The following SPOCK3 variants were observed in gnomAD, a reference collection of about 807,000 sequenced individuals.
The protein encoded by SPOCK3 is testican-3.
SPOCK3 carries 30 observed loss-of-function variants against 56.6 expected under a neutral mutation model. The observed-to-expected ratio is 0.53, with a 90% CI of 0.40 to 0.72. The LOEUF is 0.72. Among genes scored for constraint, SPOCK3 ranks in the 30% least tolerant of loss-of-function variants. SPOCK3 has a pLI of 0.00. For missense variants in SPOCK3, 527 were observed against 530.0 expected (o/e 0.99, Z 0.06); for synonymous variants, 196 against 183.3 (o/e 1.07, Z -0.56).
At chr4:166,837,300 A>G (rs1424067495) in intron 6 of SPOCK3, among the ~76,000 whole-genome samples, 1 of 152,182 alleles carries the variant, frequency 6.6e-6, no homozygotes. Flanking sequence ...GAATAATTTC[A>G]GAATAAGCCC....
At chr4:166,837,863 C>A (rs1039103850) in intron 6 of SPOCK3, among the ~76,000 whole-genome samples, 3 of 151,968 alleles carry the variant, frequency 2.0e-5, no homozygotes, top group African/African-American at 7.2e-5. Context: ...GCTGTGGTTG[C>A]TACAAATTTT....
intron 5 of SPOCK3, among the ~76,000 whole-genome samples, chr4:166,890,870 A>G (rs537130568): frequency 6.6e-6 from 1 of 152,062 alleles, no homozygotes; most frequent in South Asian, 2.1e-4. Flanking sequence ...GTCTCCCATT[A>G]TTATTGTGTG....
intron 3 of SPOCK3, among the ~76,000 whole-genome samples, chr4:167,048,741 C>T (rs1409227552): frequency 6.6e-6 from 1 of 152,112 alleles, no homozygotes; most frequent in Non-Finnish European, 1.5e-5. Context: ...AATCTCAATA[C>T]AACTGGGATT....
At chr4:166,922,604 C>T (rs1016943355) in intron 4 of SPOCK3, among the ~76,000 whole-genome samples, 4 of 152,092 alleles carry the variant, frequency 2.6e-5, no homozygotes, top group East Asian at 1.9e-4. Context: ...GACGTATCTG[C>T]GCCTAATACC....
intron 2 of SPOCK3, among the ~76,000 whole-genome samples, chr4:167,122,458 G>A (rs1014343738): frequency 6.6e-6 from 1 of 152,116 alleles, no homozygotes; most frequent in African/African-American, 2.4e-5. Flanking sequence ...ATTGCACTAT[G>A]CAATAAAAAT....
At chr4:167,070,066 T>C (rs182744316) in intron 2 of SPOCK3, among the ~76,000 whole-genome samples, 3 of 152,106 alleles carry the variant, frequency 2.0e-5, no homozygotes, top group Non-Finnish European at 4.4e-5. Flanking sequence ...CACTGTTGAA[T>C]TATTTTTTCC....
chr4:167,144,371 G>A (rs1039172485), intron 2 of SPOCK3, among the ~76,000 whole-genome samples: 5 of 151,420 alleles, frequency 3.3e-5, no homozygotes, highest in African/African-American at 7.3e-5. Flanking sequence ...GTAAAATTAT[G>A]CACTAATTTC....
intron 6 of SPOCK3, among the ~76,000 whole-genome samples, chr4:166,878,605 C>T (rs985233725): frequency 3.3e-5 from 5 of 151,900 alleles, no homozygotes; most frequent in African/African-American, 1.2e-4. Flanking sequence ...AATACAATGT[C>T]AATTCTTTAT....
chr4:167,111,757 T>A (rs1760916655), intron 2 of SPOCK3, among the ~76,000 whole-genome samples: 1 of 148,638 alleles, frequency 6.7e-6, no homozygotes, highest in Non-Finnish European at 1.5e-5. Context: ...AGCTTAAAAG[T>A]AGCACTTTTT....
chr4:166,794,961 G>T (rs1047909491), intron 6 of SPOCK3, among the ~76,000 whole-genome samples: 2 of 151,986 alleles, frequency 1.3e-5, no homozygotes, highest in East Asian at 1.9e-4. Context: ...AAAATGTATC[G>T]TGCAGGTATA....
In SPOCK3 at chr4:166,987,041, A is replaced by C. The variant is rs992252752; in HGVS notation, c.350+13308T>G. Reference sequence around the variant, plus strand: ...CAGTGATCCTTTGGAAAGGAAACTCATTTCTTATTTGTATCTTGACTGAAG... The same window carrying C: ...CAGTGATCCTTTGGAAAGGAAACTCCTTTCTTATTTGTATCTTGACTGAAG... On this transcript the variant is annotated intron_variant, in intron 4 of 10. Coordinates refer to ENST00000357545, the MANE Select transcript of SPOCK3 (RefSeq NM_001040159.2). 2.6e-5 allele frequency among the ~76,000 whole-genome samples: 4 copies of C among 152,114 alleles called. No homozygotes were observed. In the East Asian group the frequency reaches 7.7e-4, roughly 29 times the overall value.
chr4:166,776,434 C>CAACA (rs149730648), intron 7 of SPOCK3, among the ~76,000 whole-genome samples: 28,273 of 151,572 alleles, frequency 0.19, 3,494 homozygotes, highest in Non-Finnish European at 0.27. Flanking sequence ...AACAAAAAAA[C>CAACA]AACAAACAAA....
chr4:167,119,771 A>T lies in SPOCK3; in HGVS notation c.190-57234T>A, dbSNP rs1437626549. 4 of 1,495,860 alleles carry T rather than the reference A, an allele frequency of 2.7e-6. No homozygotes were observed. The Admixed American group carries it at 5.9e-5, about 22-fold the overall frequency. The allele number at this position is 1,495,860 out of a possible 1,614,324, so 92.7% of individuals were successfully genotyped here. On this transcript the variant is annotated intron_variant, in intron 2 of 10. Transcript: ENST00000357545. Reference sequence around the variant, plus strand: ...CTGCTACCCACTATTTCACGTTAACATATATTTAACAATTTTCATTACCTG... The same window carrying T: ...CTGCTACCCACTATTTCACGTTAACTTATATTTAACAATTTTCATTACCTG...
At chr4:167,072,692 C>T (rs925008542) in intron 2 of SPOCK3, among the ~76,000 whole-genome samples, 4 of 151,688 alleles carry the variant, frequency 2.6e-5, no homozygotes, top group African/African-American at 9.7e-5. Flanking sequence ...TCTTTTCTGA[C>T]CATCAGTATC....
chr4:167,202,087 G>A (rs1026234556), intron 2 of SPOCK3, among the ~76,000 whole-genome samples: 1 of 151,850 alleles, frequency 6.6e-6, no homozygotes, highest in African/African-American at 2.4e-5. Flanking sequence ...TATAGAAAAT[G>A]TTGTTTTATA....
In SPOCK3 at chr4:167,202,680, C is replaced by A. The variant is rs1468503653; in HGVS notation, c.189+31305G>T. Among the ~76,000 whole-genome samples, 4 of 151,948 alleles carry A rather than the reference C, an allele frequency of 2.6e-5. No homozygotes were observed. In the East Asian group the frequency reaches 7.7e-4, roughly 29 times the overall value. The stretch of plus-strand genomic sequence containing the variant: ...GAAGGGTAGAGATATGACTGCATCA[C>A]CTTCCACCCATGAAATAAGGATCTC... On this transcript the variant is annotated intron_variant, in intron 2 of 10. Coordinates refer to ENST00000357545, the MANE Select transcript of SPOCK3 (RefSeq NM_001040159.2).
At chr4:166,827,838 GAA>G (rs70955696) in intron 6 of SPOCK3, among the ~76,000 whole-genome samples, 3 of 144,956 alleles carry the variant, frequency 2.1e-5, no homozygotes, top group African/African-American at 2.5e-5. Context: ...CTCATCAAGG[GAA>G]AAAAAAAAAA....
intron 5 of SPOCK3, among the ~76,000 whole-genome samples, chr4:166,905,937 A>G (rs1185784951): frequency 6.6e-6 from 1 of 152,020 alleles, no homozygotes. Context: ...ACTGAAAATT[A>G]CCAAACATTA....
At chr4:167,191,207 T>C (rs1732447727) in intron 2 of SPOCK3, among the ~76,000 whole-genome samples, 1 of 145,990 alleles carries the variant, frequency 6.8e-6, no homozygotes, top group Non-Finnish European at 1.5e-5. Flanking sequence ...ATTAAATCTA[T>C]AATTAACATT....
Sources: allele counts gnomAD v4.1 joint callset (sites outside exome capture counted in the v4.1 genomes callset), GRCh38; gene constraint gnomAD v4.1.1; transcripts MANE v1.5; gene names NCBI Gene and HGNC (gene_info 2026-07-23, HGNC 2026-07-21).